The following ARHGAP35 variants were observed in gnomAD, a reference collection of about 807,000 sequenced individuals.
The protein encoded by ARHGAP35 is rho GTPase-activating protein 35.
A neutral mutation model predicts 111.1 loss-of-function variants in ARHGAP35; 15 were observed. That is an observed-to-expected ratio of 0.13 (90% confidence interval 0.09 to 0.21). ARHGAP35 has a LOEUF of 0.21. ARHGAP35 is among the 10% of genes least tolerant of loss of function. The pLI, the probability that ARHGAP35 is intolerant of heterozygous loss-of-function variation, is 1.00. For synonymous variants in ARHGAP35, 643 were observed against 710.3 expected, an observed-to-expected ratio of 0.91 and a Z score of 1.51; for missense variants, 1,262 against 1,873.0, an observed-to-expected ratio of 0.67 and a Z score of 6.02.
intron 1 of ARHGAP35, among the ~76,000 whole-genome samples, chr19:46,883,183 C>T (rs1479204979): frequency 6.6e-6 from 1 of 152,086 alleles, no homozygotes; most frequent in Non-Finnish European, 1.5e-5. Context: ...CAACCTCCGC[C>T]TCCGAGGTTC....
At chr19:46,990,608 G>A (rs948186956) in intron 5 of ARHGAP35, among the ~76,000 whole-genome samples, 13 of 152,194 alleles carry the variant, frequency 8.5e-5, no homozygotes, top group African/African-American at 2.7e-4. Context: ...GAAAGGAGAC[G>A]TGTTCCTCAG....
At position 46,920,605 on chromosome 19, in the gene ARHGAP35, G is replaced by A. The variant is rs765168789; in HGVS notation, c.1930G>A (p.Val644Ile). The change falls in exon 2 of 7, where the codon GTC (valine) becomes ATC (isoleucine). Residue 644 changes from valine to isoleucine, a missense_variant. Physicochemically the swap from Val to Ile is conservative, Grantham distance 29 (BLOSUM62 3). This residue lies in a region of ARHGAP35 where 37 missense variants were observed against 83.9 expected (regional missense o/e 0.44). Coordinates refer to ENST00000672722, the MANE Select transcript of ARHGAP35 (RefSeq NM_004491.5). This position sits in a 1 kb window ranked among gnomAD's most constrained non-coding sequence, Gnocchi z 7.0. ...TTCCCTGAGGCCAATAGAGGGGAATGTCAGGCTTCCTGTGAACTCTTTCCA... is the reference window on the plus strand; with the variant it reads ...TTCCCTGAGGCCAATAGAGGGGAATATCAGGCTTCCTGTGAACTCTTTCCA... The part of the protein sequence containing the change: ...ELSLRPIEGN[V>I]RLPVNSFQTP... The A allele has an allele frequency of 5.0e-6, 8 of 1,614,062 alleles. No homozygotes were observed. Among genetic ancestry groups the A allele is most frequent in the Non-Finnish European group, 6.8e-6 (8 of 1,179,904 alleles).
At chr19:46,886,392 T>G (rs1042078769) in intron 1 of ARHGAP35, among the ~76,000 whole-genome samples, 4 of 151,370 alleles carry the variant, frequency 2.6e-5, no homozygotes, top group African/African-American at 9.7e-5. Context: ...TAAGGGAGGT[T>G]TTTTTTTTCT....
At chr19:46,915,867 A>C (rs1024306098) in intron 1 of ARHGAP35, among the ~76,000 whole-genome samples, 1 of 151,946 alleles carries the variant, frequency 6.6e-6, no homozygotes, top group Non-Finnish European at 1.5e-5. Context: ...AGGTTCTTTA[A>C]GGTGCCATTT....
chr19:46,966,524 G>A (rs758727737), intron 3 of ARHGAP35, among the ~76,000 whole-genome samples: 1 of 152,176 alleles, frequency 6.6e-6, no homozygotes, highest in Non-Finnish European at 1.5e-5. Context: ...ACTCCAGCCT[G>A]AGTAACAAAG....
chr19:46,918,917 G>A lies in ARHGAP35; in HGVS notation c.242G>A (p.Arg81His), dbSNP rs781567899. The change falls in exon 2 of 7, where the codon CGC (arginine) becomes CAC (histidine). Residue 81 changes from arginine (R) to histidine (H), a missense_variant. Arg to His is a conservative substitution (Grantham distance 29). Transcript: ENST00000672722. The surrounding 1 kb of genome is among the most constrained non-coding windows in gnomAD (Gnocchi z 5.4). The part of the protein sequence containing the change: ...DHFLYWGEVS[R>H]SLEDCVECKM... ...TTTCTCTACTGGGGAGAAGTTAGCC[G>A]CTCCCTGGAGGATTGTGTGGAATGT... is the stretch of plus-strand genomic sequence containing the variant. 9 of 1,613,966 alleles carry A rather than the reference G, an allele frequency of 5.6e-6. No individual in the cohort carries two copies. In the East Asian group the frequency reaches 1.1e-4, roughly 20 times the overall value.
rs1200067570 is a variant in ARHGAP35, at chr19:46,992,384, C to G, written c.4036+2709C>G. Among the ~76,000 whole-genome samples, 1 of 152,152 alleles carries G rather than the reference C, an allele frequency of 6.6e-6. No individual in the cohort carries two copies. The highest frequency in any genetic ancestry group is 2.4e-5 in the African/African-American group (1 of 41,440). On this transcript the variant is annotated intron_variant, in intron 5 of 6. Transcript: ENST00000672722. This position sits in a 1 kb window ranked among gnomAD's most constrained non-coding sequence, Gnocchi z 4.4. ...AAGCTGAGCTTGAAGTGCACAAACC[C>G]CAGCAAGGAAGGCGCGAGGAAGAGG...
intron 2 of ARHGAP35, among the ~76,000 whole-genome samples, chr19:46,925,304 C>G (rs1297662471): frequency 6.6e-6 from 1 of 152,206 alleles, no homozygotes. Context: ...TAGAGCAAAC[C>G]TCCTATTAAA....
chr19:46,973,229 G>A (rs1052959053), intron 3 of ARHGAP35, among the ~76,000 whole-genome samples: 1 of 152,160 alleles, frequency 6.6e-6, no homozygotes, highest in African/African-American at 2.4e-5. Context: ...TGGGCGTGGT[G>A]GTGGGCACCT....
intron 3 of ARHGAP35, among the ~76,000 whole-genome samples, chr19:46,974,603 G>A (rs1369662554): frequency 6.6e-6 from 1 of 152,080 alleles, no homozygotes; most frequent in African/African-American, 2.4e-5. Flanking sequence ...ACCTCGATGT[G>A]TTTACCAACC....
At chr19:46,948,571 A>C (rs1411088239) in intron 3 of ARHGAP35, 1 of 152,222 alleles carries the variant, frequency 6.6e-6, no homozygotes, top group Non-Finnish European at 1.5e-5. Flanking sequence ...ATCTGATGGA[A>C]TACTTCTCAT....
Position 46,919,001 on chromosome 19 carries a change from G to A in ARHGAP35, c.326G>A (p.Arg109Gln), listed in dbSNP as rs982301676. 5.6e-6 allele frequency: 9 copies of A among 1,613,978 alleles called. No homozygotes were observed. The highest frequency in any genetic ancestry group is 6.8e-6 in the Non-Finnish European group (8 of 1,179,898). Residue 109 changes from arginine (R) to glutamine (Q), a missense_variant, in exon 2 of 7, where the codon CGA becomes CAA. Coordinates refer to ENST00000672722, the MANE Select transcript of ARHGAP35 (RefSeq NM_004491.5). This position sits in a 1 kb window ranked among gnomAD's most constrained non-coding sequence, Gnocchi z 6.2. ...FIDDQTFQPH[R>Q]STALQPYIKR... ...GATGATCAGACTTTTCAACCTCATC[G>A]AAGCACGGCCCTGCAGCCCTATATC... is the stretch of plus-strand genomic sequence containing the variant.
At position 46,919,142 on chromosome 19, in the gene ARHGAP35, T is replaced by G; in HGVS notation, c.467T>G (p.Leu156Arg). ...AAACAAATGCCAGACGGAAAGCTGC[T>G]GGTTGATGGTTTTCTTCTTGGTATT... is the stretch of plus-strand genomic sequence containing the variant. ...EQKQMPDGKL[L>R]VDGFLLGIDV... The change falls in exon 2 of 7, where the codon CTG becomes CGG. Residue 156 changes from leucine to arginine, a missense_variant. Transcript: ENST00000672722. The surrounding 1 kb of genome is among the most constrained non-coding windows in gnomAD (Gnocchi z 6.2). The G allele has an allele frequency of 6.2e-7, 1 of 1,614,002 alleles. No individual in the cohort carries two copies. Among genetic ancestry groups the G allele is most frequent in the Non-Finnish European group, 8.5e-7 (1 of 1,179,886 alleles).
intron 1 of ARHGAP35, among the ~76,000 whole-genome samples, chr19:46,880,780 A>G (rs1433347670): frequency 6.6e-6 from 1 of 151,638 alleles, no homozygotes; most frequent in Non-Finnish European, 1.5e-5. Flanking sequence ...GGCTCAAGGG[A>G]TCCTCCTGCC....
At chr19:46,867,655 T>A (rs2055865676) in intron 1 of ARHGAP35, among the ~76,000 whole-genome samples, 1 of 152,204 alleles carries the variant, frequency 6.6e-6, no homozygotes, top group Non-Finnish European at 1.5e-5. Context: ...GAGGAGCCTC[T>A]TATATTATCT....
rs1025093402 is a variant in ARHGAP35, at chr19:46,989,368, G to A, written c.3905-176G>A. ...GAAAGAGGTGCTGGGGCCAGCCCAT[G>A]CCTGAACCTCAGAACTCGCGTTAGC... On this transcript the variant is annotated intron_variant, in intron 4 of 6. Transcript: ENST00000672722. The surrounding 1 kb of genome is among the most constrained non-coding windows in gnomAD (Gnocchi z 5.3). 5.4e-6 allele frequency: 4 copies of A among 740,800 alleles called. No individual in the cohort carries two copies. The highest frequency in any genetic ancestry group is 8.5e-6 in the Non-Finnish European group (4 of 470,522). The allele number at this position is 740,800 out of a possible 1,614,324, so 45.9% of individuals were successfully genotyped here. A position where few individuals can be genotyped will look rare whatever the true frequency, so the allele number is the denominator to read the frequency against.
At chr19:46,876,241 C>T (rs769423167) in intron 1 of ARHGAP35, among the ~76,000 whole-genome samples, 2 of 151,370 alleles carry the variant, frequency 1.3e-5, no homozygotes, top group African/African-American at 2.4e-5. Context: ...ATCTCACCCA[C>T]GTTCCATGGA....
intron 1 of ARHGAP35, among the ~76,000 whole-genome samples, chr19:46,913,960 C>T (rs2056151444): frequency 6.6e-6 from 1 of 152,122 alleles, no homozygotes; most frequent in African/African-American, 2.4e-5. Context: ...TCTTTGTGGC[C>T]TTCAGATCAT....
Position 47,001,801 on chromosome 19 carries a change from A to C in ARHGAP35, c.*1113A>C. On this transcript the variant is annotated 3_prime_UTR_variant, in exon 7 of 7. Coordinates refer to ENST00000672722, the MANE Select transcript of ARHGAP35 (RefSeq NM_004491.5). This position sits in a 1 kb window ranked among gnomAD's most constrained non-coding sequence, Gnocchi z 5.4. ...TTGGTGGGGGGTTGGGGACAGCTGGAAGGTGCCAGGTGCACTTGGGGTTGG... is the reference window on the plus strand; with the variant it reads ...TTGGTGGGGGGTTGGGGACAGCTGGCAGGTGCCAGGTGCACTTGGGGTTGG... 4.5e-6 allele frequency: 1 copy of C among 221,350 alleles called. No homozygotes were observed. Among genetic ancestry groups the C allele is most frequent in the South Asian group, 6.8e-5 (1 of 14,664 alleles). 13.7% of individuals were successfully genotyped at this position (221,350 alleles called of 1,614,324 possible). A position where few individuals can be genotyped will look rare whatever the true frequency, so the allele number is the denominator to read the frequency against.
Sources: allele counts gnomAD v4.1 joint callset (sites outside exome capture counted in the v4.1 genomes callset), GRCh38; gene constraint gnomAD v4.1.1; regional missense constraint gnomAD v4.1.1; non-coding constraint Gnocchi (gnomAD v3.1); transcripts MANE v1.5; gene names NCBI Gene and HGNC (gene_info 2026-07-23, HGNC 2026-07-21).